RAB3GAP2: variants seen among roughly 807,000 people sequenced by gnomAD.
The protein encoded by RAB3GAP2 is RAB3 GTPase activating non-catalytic protein subunit 2.
In RAB3GAP2, 87 loss-of-function variants were observed where a neutral mutation model predicts 185.3. That is an observed-to-expected ratio of 0.47 (90% confidence interval 0.39 to 0.56). RAB3GAP2 has a LOEUF of 0.56. Ranked by LOEUF, RAB3GAP2 falls within the 20% of genes least tolerant of loss-of-function variation. The pLI is 0.00. For synonymous variants in RAB3GAP2, 554 were observed against 576.1 expected, an observed-to-expected ratio of 0.96 and a Z score of 0.55; for missense variants, 1,492 against 1,638.2, an observed-to-expected ratio of 0.91 and a Z score of 1.54.
At chr1:220,166,714 C>T (rs549036942) in intron 26 of RAB3GAP2, among the ~76,000 whole-genome samples, 1 of 152,292 alleles carries the variant, frequency 6.6e-6, no homozygotes, top group East Asian at 1.9e-4. Flanking sequence ...GCTGAGAGGG[C>T]AGCAAGGCTA....
chr1:220,193,888 AG>A (rs1658672308), intron 12 of RAB3GAP2, among the ~76,000 whole-genome samples: 1 of 152,194 alleles, frequency 6.6e-6, no homozygotes, highest in South Asian at 2.1e-4. Context: ...GTAAAATAAA[AG>A]TAAAGAAGTA....
intron 1 of RAB3GAP2, among the ~76,000 whole-genome samples, chr1:220,236,915 T>C (rs1174282419): frequency 2.0e-5 from 3 of 152,220 alleles, no homozygotes; most frequent in Admixed American, 6.5e-5. Flanking sequence ...TAATATGGAA[T>C]ATTACTATAA....
chr1:220,190,935 A>C, intron 14 of RAB3GAP2, 133 bp downstream of exon 14: 1 of 924,780 alleles, frequency 1.1e-6, no homozygotes, highest in Non-Finnish European at 1.7e-6. Flanking sequence ...CACTCACAGG[A>C]AAAACCACAA....
chr1:220,149,847 A>G lies in RAB3GAP2; in HGVS notation c.*1404T>C, dbSNP rs188666578. ...TTGGATGTGCTCTTTTAGCTCAAAA[A>G]ACAGATTTGTTTTTCTTTTTATATC... is the stretch of plus-strand genomic sequence containing the variant. On this transcript the variant is annotated 3_prime_UTR_variant, in exon 35 of 35. Coordinates refer to ENST00000358951, the MANE Select transcript of RAB3GAP2 (RefSeq NM_012414.4). The G allele has an allele frequency of 3.3e-3, 507 of 152,348 alleles. 2 individuals carry two copies. The highest frequency in any genetic ancestry group is 0.011 in the African/African-American group (452 of 41,586). 9.4% of individuals were successfully genotyped at this position (152,348 alleles called of 1,614,324 possible). A position where few individuals can be genotyped will look rare whatever the true frequency, so the allele number is the denominator to read the frequency against.
intron 1 of RAB3GAP2, among the ~76,000 whole-genome samples, chr1:220,235,019 G>A (rs938464337): frequency 2.6e-5 from 4 of 152,038 alleles, no homozygotes; most frequent in South Asian, 4.1e-4. Flanking sequence ...TAAGTAGTTC[G>A]ACCAAAATCA....
intron 33 of RAB3GAP2, 32 bp from the exon 34 acceptor site, chr1:220,151,796 T>A: frequency 6.4e-7 from 1 of 1,563,776 alleles, no homozygotes; most frequent in Non-Finnish European, 8.8e-7. Flanking sequence ...AATAATACAG[T>A]CAGAGTGAGC....
intron 2 of RAB3GAP2, among the ~76,000 whole-genome samples, chr1:220,226,516 T>G (rs1015679835): frequency 1.3e-5 from 2 of 152,020 alleles, no homozygotes; most frequent in Non-Finnish European, 2.9e-5. Context: ...TTTTCCAATG[T>G]CCCCAAGCCA....
At chr1:220,175,419 A>G (rs1297928330) in intron 21 of RAB3GAP2, among the ~76,000 whole-genome samples, 2 of 151,986 alleles carry the variant, frequency 1.3e-5, no homozygotes, top group African/African-American at 2.4e-5. Context: ...GGGTTTCACT[A>G]TGTTGGCCAG....
chr1:220,266,470 T>C, intron 1 of RAB3GAP2: 1 of 518,612 alleles, frequency 1.9e-6, no homozygotes, highest in Non-Finnish European at 3.5e-6. Flanking sequence ...CTCCAGATTA[T>C]GAACCAGTAT....
At chr1:220,247,753 T>G (rs1659846820) in intron 1 of RAB3GAP2, among the ~76,000 whole-genome samples, 1 of 152,090 alleles carries the variant, frequency 6.6e-6, no homozygotes, top group Non-Finnish European at 1.5e-5. Flanking sequence ...TGTTGAAATT[T>G]TAAGAAGCAG....
intron 1 of RAB3GAP2, among the ~76,000 whole-genome samples, chr1:220,238,669 T>C (rs1659638370): frequency 6.6e-6 from 1 of 152,170 alleles, no homozygotes; most frequent in African/African-American, 2.4e-5. Context: ...CCTACACCCA[T>C]TAACTAAATG....
chr1:220,267,561 T>C, intron 1 of RAB3GAP2: 2 of 1,387,218 alleles, frequency 1.4e-6, no homozygotes, highest in East Asian at 2.3e-5. Flanking sequence ...TTCTTCATTT[T>C]TCTGTTTTGA....
chr1:220,191,472 T>G (rs112069706), intron 13 of RAB3GAP2, among the ~76,000 whole-genome samples, 188 bp from the exon 14 acceptor site: 27 of 152,302 alleles, frequency 1.8e-4, no homozygotes, highest in African/African-American at 6.5e-4. Context: ...CACCCAGCCT[T>G]ATCAAATCTT....
At position 220,190,612 on chromosome 1, in the gene RAB3GAP2, T is replaced by C. The variant is rs77927052; in HGVS notation, c.1488-92A>G. 760 of 1,338,454 alleles carry C rather than the reference T, an allele frequency of 5.7e-4. 1 individual carries two copies. The African/African-American group carries it at 9.4e-3, about 17-fold the overall frequency. The allele number at this position is 1,338,454 out of a possible 1,614,324, so 82.9% of individuals were successfully genotyped here. A position where few individuals can be genotyped will look rare whatever the true frequency, so the allele number is the denominator to read the frequency against. The stretch of plus-strand genomic sequence containing the variant: ...ATTATAGCTAGGAAACCCAACATTA[T>C]TATCAATTTAGGAGCATTAATAAGG... On this transcript the variant is annotated intron_variant, in intron 14 of 34. Transcript: ENST00000358951.
chr1:220,232,712 T>C lies in RAB3GAP2; in HGVS notation c.180+87A>G, dbSNP rs12086760. On this transcript the variant is annotated intron_variant, in intron 2 of 34. Transcript: ENST00000358951. ...AATATTCTTGACATCGAATTTAAAA[T>C]GTCAGCTTGACAGGGAAATATGTCA... 0.052 allele frequency: 63,479 copies of C among 1,215,902 alleles called. 2,090 individuals are homozygous for C. Among genetic ancestry groups the C allele is most frequent in the African/African-American group, 0.13 (8,514 of 66,844 alleles). The allele number at this position is 1,215,902 out of a possible 1,614,324, so 75.3% of individuals were successfully genotyped here.
chr1:220,265,999 T>C (rs1660221286), intron 1 of RAB3GAP2: 1 of 152,444 alleles, frequency 6.6e-6, no homozygotes, highest in East Asian at 2.0e-4. Context: ...GTAGATAGTA[T>C]TTACTTTATA....
intron 12 of RAB3GAP2, among the ~76,000 whole-genome samples, chr1:220,194,695 G>T (rs1237847845): frequency 6.6e-6 from 1 of 152,058 alleles, no homozygotes; most frequent in Non-Finnish European, 1.5e-5. Context: ...AATCCACTAG[G>T]ATGACTTTTT....
intron 1 of RAB3GAP2, among the ~76,000 whole-genome samples, chr1:220,264,368 G>C (rs949410285): frequency 1.3e-5 from 2 of 151,942 alleles, no homozygotes; most frequent in African/African-American, 2.4e-5. Context: ...ACGAATGGAG[G>C]AATTTACAAC....
At chr1:220,225,493 T>C (rs1176086699) in intron 2 of RAB3GAP2, among the ~76,000 whole-genome samples, 1 of 152,168 alleles carries the variant, frequency 6.6e-6, no homozygotes, top group African/African-American at 2.4e-5. Context: ...GAAAGATGCT[T>C]AGCAGAATTA....
Sources: allele counts gnomAD v4.1 joint callset (sites outside exome capture counted in the v4.1 genomes callset), GRCh38; gene constraint gnomAD v4.1.1; transcripts MANE v1.5; gene names NCBI Gene and HGNC (gene_info 2026-07-23, HGNC 2026-07-21).